RAD51B: variants seen among roughly 807,000 people sequenced by gnomAD.
The protein encoded by RAD51B is RAD51 paralog B, also known as DNA repair protein RAD51 homolog 2.
Under a neutral mutation model 42.2 loss-of-function variants are expected in RAD51B, and 38 were observed. The observed-to-expected ratio is 0.90, with a 90% CI of 0.70 to 1.18. The LOEUF (loss-of-function observed/expected upper bound fraction) is 1.18. Among genes scored for constraint, RAD51B ranks in the 50% most tolerant of loss-of-function variants. The pLI is 0.00. For missense variants in RAD51B, 373 were observed against 400.7 expected, an observed-to-expected ratio of 0.93 and a Z score of 0.59; for synonymous variants, 154 against 145.2, an observed-to-expected ratio of 1.06 and a Z score of -0.43.
intron 7 of RAD51B, among the ~76,000 whole-genome samples, chr14:68,260,725 G>A (rs2080870561): frequency 6.6e-6 from 1 of 152,098 alleles, no homozygotes; most frequent in African/African-American, 2.4e-5. Flanking sequence ...TTTTGCTTCT[G>A]CAGTTTTCTT....
Position 67,912,165 on chromosome 14 carries a change from T to C in RAD51B, c.756+24961T>C, listed in dbSNP as rs190410362. 3.3e-5 allele frequency among the ~76,000 whole-genome samples: 5 copies of C among 152,382 alleles called. No homozygotes were observed. In the East Asian group the frequency reaches 9.6e-4, roughly 29 times the overall value. Reference sequence around the variant, plus strand: ...TTAATTAGTCTGTAGCCAGATATTTTGGATGATTCAATTCACAAATTAGAT... The same window carrying C: ...TTAATTAGTCTGTAGCCAGATATTTCGGATGATTCAATTCACAAATTAGAT... On this transcript the variant is annotated intron_variant, in intron 7 of 10. Coordinates refer to ENST00000471583, the MANE Select transcript of RAD51B (RefSeq NM_133510.4).
intron 7 of RAD51B, among the ~76,000 whole-genome samples, chr14:67,941,419 A>AG (rs2045203252): frequency 6.6e-6 from 1 of 151,968 alleles, no homozygotes; most frequent in South Asian, 2.1e-4. Context: ...GATTTGGCAT[A>AG]GGGGGAAGAT....
chr14:68,238,154 G>T (rs752126759), intron 7 of RAD51B, among the ~76,000 whole-genome samples: 2 of 152,024 alleles, frequency 1.3e-5, no homozygotes, highest in Admixed American at 6.6e-5. Flanking sequence ...ATATATTGAG[G>T]GTTCTAGTTT....
chr14:68,021,688 G>T (rs960702619), intron 7 of RAD51B, among the ~76,000 whole-genome samples: 4 of 152,134 alleles, frequency 2.6e-5, no homozygotes, highest in African/African-American at 9.7e-5. Context: ...CCAGACTGCT[G>T]CAATAAAGCA....
chr14:67,890,989 A>G (rs1431632494), intron 7 of RAD51B, among the ~76,000 whole-genome samples: 1 of 152,180 alleles, frequency 6.6e-6, no homozygotes, highest in African/African-American at 2.4e-5. Context: ...CTTAGATAAC[A>G]GGACTTTCAC....
intron 7 of RAD51B, among the ~76,000 whole-genome samples, chr14:67,976,898 G>A (rs2075006160): frequency 6.6e-6 from 1 of 152,110 alleles, no homozygotes; most frequent in Non-Finnish European, 1.5e-5. Context: ...ATCAACAAGT[G>A]GGCGAAGGAT....
chr14:68,347,409 C>T (rs1025586990), intron 8 of RAD51B, among the ~76,000 whole-genome samples: 3 of 152,172 alleles, frequency 2.0e-5, no homozygotes, highest in South Asian at 2.1e-4. Flanking sequence ...TGGCTGGGTA[C>T]GATAGCTCAT....
chr14:68,315,374 G>A (rs150588368), intron 8 of RAD51B, among the ~76,000 whole-genome samples: 1 of 152,228 alleles, frequency 6.6e-6, no homozygotes, highest in South Asian at 2.1e-4. Context: ...TTTGCAAAAG[G>A]CCCCATGTTG....
At chr14:68,026,482 G>A (rs1049755929) in intron 7 of RAD51B, among the ~76,000 whole-genome samples, 3 of 151,636 alleles carry the variant, frequency 2.0e-5, no homozygotes, top group Non-Finnish European at 4.4e-5. Context: ...AGCTGTCTGA[G>A]TCTTTTCATA....
intron 7 of RAD51B, among the ~76,000 whole-genome samples, chr14:67,980,622 G>A (rs568546867): frequency 3.6e-4 from 55 of 152,252 alleles, no homozygotes; most frequent in Middle Eastern, 3.4e-3. Flanking sequence ...TTTCACAAAG[G>A]TATAAAGGCA....
chr14:68,268,157 C>G (rs2081029867), intron 7 of RAD51B, among the ~76,000 whole-genome samples: 1 of 152,134 alleles, frequency 6.6e-6, no homozygotes, highest in Non-Finnish European at 1.5e-5. Context: ...CAATTTTGTC[C>G]TACCATTCTG....
At chr14:68,436,097 G>A (rs1208567460) in intron 9 of RAD51B, among the ~76,000 whole-genome samples, 1 of 152,048 alleles carries the variant, frequency 6.6e-6, no homozygotes, top group African/African-American at 2.4e-5. Context: ...TCTTTCTCAA[G>A]GCCAACATCA....
intron 7 of RAD51B, among the ~76,000 whole-genome samples, chr14:67,995,778 T>C (rs955336128): frequency 6.6e-6 from 1 of 151,674 alleles, no homozygotes; most frequent in South Asian, 2.1e-4. Context: ...CCACCACGCC[T>C]GGCTAATTTT....
intron 7 of RAD51B, among the ~76,000 whole-genome samples, chr14:68,067,016 A>G (rs2076661459): frequency 6.6e-6 from 1 of 152,198 alleles, no homozygotes; most frequent in South Asian, 2.1e-4. Context: ...ACGTTGATTT[A>G]GTATATTTTG....
intron 11 of RAD51B, among the ~76,000 whole-genome samples, chr14:68,655,526 G>C (rs563103748): frequency 5.8e-4 from 88 of 152,328 alleles, no homozygotes; most frequent in Admixed American, 3.7e-3. Context: ...GCTCAGGTCG[G>C]GGGAGAGGGC....
chr14:68,497,638 T>G, intron 10 of RAD51B: 1 of 667,844 alleles, frequency 1.5e-6, no homozygotes, highest in Non-Finnish European at 1.9e-6. Context: ...CCAAATATTT[T>G]CATCACCCCA....
At chr14:68,166,168 C>T (rs201885229) in intron 7 of RAD51B, among the ~76,000 whole-genome samples, 8 of 132,002 alleles carry the variant, frequency 6.1e-5, no homozygotes, top group East Asian at 4.3e-4. Flanking sequence ...TATTTCTGCT[C>T]TTTTTTTTTT....
intron 7 of RAD51B, among the ~76,000 whole-genome samples, chr14:67,926,783 C>T (rs1204929411): frequency 6.6e-6 from 1 of 151,910 alleles, no homozygotes; most frequent in Non-Finnish European, 1.5e-5. Context: ...AGGCTGGTCT[C>T]GAACTCCCAA....
At chr14:68,619,671 G>A (rs1891904103) in intron 10 of RAD51B, among the ~76,000 whole-genome samples, 1 of 152,096 alleles carries the variant, frequency 6.6e-6, no homozygotes, top group Non-Finnish European at 1.5e-5. Flanking sequence ...AAGAGTTGGT[G>A]ACAGTCTACT....
Sources: allele counts gnomAD v4.1 joint callset (sites outside exome capture counted in the v4.1 genomes callset), GRCh38; gene constraint gnomAD v4.1.1; transcripts MANE v1.5; gene names NCBI Gene and HGNC (gene_info 2026-07-23, HGNC 2026-07-21).